CABIN1: variants seen among roughly 807,000 people sequenced by gnomAD.
The protein encoded by CABIN1 is calcineurin binding protein 1.
A neutral mutation model predicts 227.7 loss-of-function variants in CABIN1; 133 were observed. The observed-to-expected ratio is 0.58, with a 90% confidence interval of 0.51 to 0.67. The LOEUF (loss-of-function observed/expected upper bound fraction) is 0.67, where lower values mean the gene tolerates loss of function less well. Among genes scored for constraint, CABIN1 ranks in the 30% least tolerant of loss-of-function variants. The probability of loss-of-function intolerance (pLI) is 0.00; values close to 1 mark genes in which losing one functional copy is unlikely to be tolerated. For synonymous variants in CABIN1, 1,086 were observed against 1,155.1 expected (o/e 0.94, Z 1.21); for missense variants, 2,408 against 2,852.5 (o/e 0.84, Z 3.55).
At chr22:24,025,737 C>T (rs1167256203) in intron 1 of CABIN1, among the ~76,000 whole-genome samples, 1 of 152,230 alleles carries the variant, frequency 6.6e-6, no homozygotes, top group Non-Finnish European at 1.5e-5. Context: ...TGCAGTGGTG[C>T]AATCTCAGCT....
In CABIN1 at chr22:24,178,532, A is replaced by G. The variant is rs534901746; in HGVS notation, c.*336A>G. The stretch of plus-strand genomic sequence containing the variant: ...ATATCCACCCCTCGACGCCGGGATG[A>G]GCCGGCTCTGCCTGTGTCACAGTGG... On this transcript the variant is annotated 3_prime_UTR_variant, in exon 37 of 37. Transcript: ENST00000263119. The G allele has an allele frequency of 2.9e-5, 11 of 373,792 alleles. No homozygotes were observed. Among genetic ancestry groups the G allele is most frequent in the African/African-American group, 2.3e-4 (11 of 48,174 alleles). 23.2% of individuals were successfully genotyped at this position (373,792 alleles called of 1,614,324 possible). A position where few individuals can be genotyped will look rare whatever the true frequency, so the allele number is the denominator to read the frequency against.
At position 24,031,836 on chromosome 22, in the gene CABIN1, T is replaced by C. The variant is rs140032884; in HGVS notation, c.-74-3608T>C. 9.6e-3 allele frequency among the ~76,000 whole-genome samples: 1,467 copies of C among 152,294 alleles called. 30 individuals are homozygous for C. The highest frequency in any genetic ancestry group is 0.033 in the African/African-American group (1,378 of 41,558). Reference sequence around the variant, plus strand: ...GTGGCTTGAGCTGCAGGTCTGGCCATGGGCTGTCGGCCTGCCTTGAGGATG... The same window carrying C: ...GTGGCTTGAGCTGCAGGTCTGGCCACGGGCTGTCGGCCTGCCTTGAGGATG... On this transcript the variant is annotated intron_variant, in intron 1 of 36. Transcript: ENST00000263119.
intron 18 of CABIN1, 46 bp downstream of exon 18, chr22:24,072,556 T>G: frequency 6.2e-7 from 1 of 1,611,164 alleles, no homozygotes; most frequent in Non-Finnish European, 8.5e-7. Context: ...GACTCCCATG[T>G]CCTTGCCCCT....
chr22:24,097,146 CAAT>C (rs1279366193), intron 25 of CABIN1, among the ~76,000 whole-genome samples: 2 of 152,196 alleles, frequency 1.3e-5, no homozygotes, highest in Non-Finnish European at 2.9e-5. Flanking sequence ...CCCCAACATA[CAAT>C]GATACTTTCT....
intron 8 of CABIN1, among the ~76,000 whole-genome samples, chr22:24,054,583 T>A: frequency 6.6e-6 from 1 of 152,144 alleles, no homozygotes; most frequent in East Asian, 1.9e-4. Flanking sequence ...CCTACTTGAG[T>A]CTGAAAGTGC....
intron 9 of CABIN1, among the ~76,000 whole-genome samples, chr22:24,055,497 T>C (rs959806176): frequency 6.6e-6 from 1 of 152,250 alleles, no homozygotes; most frequent in African/African-American, 2.4e-5. Context: ...ATGTGGAAGC[T>C]GGCAGAGGTC....
chr22:24,136,928 G>A (rs1394250044), intron 29 of CABIN1, among the ~76,000 whole-genome samples: 1 of 152,132 alleles, frequency 6.6e-6, no homozygotes, highest in African/African-American at 2.4e-5. Context: ...AATGAAGTGA[G>A]CCCTTTGTCA....
chr22:24,053,210 T>C (rs559601762), intron 8 of CABIN1, among the ~76,000 whole-genome samples: 1 of 151,620 alleles, frequency 6.6e-6, no homozygotes, highest in South Asian at 2.1e-4. Context: ...CCCAAGTAGC[T>C]GAGACTACAG....
intron 12 of CABIN1, 139 bp downstream of exon 12, chr22:24,060,280 G>A (rs969009491): frequency 1.7e-5 from 14 of 805,032 alleles, no homozygotes; most frequent in African/African-American, 5.1e-5. Flanking sequence ...TGTGGGTGTC[G>A]AAGCAGGAAG....
At chr22:24,041,689 TAC>T (rs2037388380) in intron 5 of CABIN1, among the ~76,000 whole-genome samples, 1 of 152,232 alleles carries the variant, frequency 6.6e-6, no homozygotes, top group Non-Finnish European at 1.5e-5. Flanking sequence ...TATTAATACT[TAC>T]AGTCATAATA....
intron 25 of CABIN1, among the ~76,000 whole-genome samples, chr22:24,097,375 T>A (rs1232039911): frequency 6.6e-6 from 1 of 152,232 alleles, no homozygotes; most frequent in African/African-American, 2.4e-5. Context: ...AAGGTTTCAT[T>A]TATTTTATAA....
rs1569112630 is a variant in CABIN1, at chr22:24,042,878, T to TGTGTGTGTGTGTGTGTGTGTG, written c.346-26_346-25insGTGTGTGTGTGTGTGTGTGTG. ...TGTGTGTGTGTGTGTGTGTGTGTGTTTGCCCTCTGCTTGTGTCGCTTCCAG... is the reference window on the plus strand; with the variant it reads ...TGTGTGTGTGTGTGTGTGTGTGTGTTGTGTGTGTGTGTGTGTGTGTGTGCCCTCTGCTTGTGTCGCTTCCAG... On this transcript the variant is annotated intron_variant, in intron 5 of 36. Transcript: ENST00000263119. The TGTGTGTGTGTGTGTGTGTGTG allele has an allele frequency of 1.1e-5, 10 of 952,270 alleles. No individual in the cohort carries two copies. The African/African-American group carries it at 1.2e-4, about 12-fold the overall frequency. 59.0% of individuals were successfully genotyped at this position (952,270 alleles called of 1,614,324 possible). A position where few individuals can be genotyped will look rare whatever the true frequency, so the allele number is the denominator to read the frequency against.
chr22:24,078,632 A>G (rs1456208313), intron 19 of CABIN1, among the ~76,000 whole-genome samples: 1 of 152,158 alleles, frequency 6.6e-6, no homozygotes, highest in Non-Finnish European at 1.5e-5. Context: ...TTATCTGTTC[A>G]TCTCCACACA....
At chr22:24,117,030 G>A (rs1236215964) in intron 27 of CABIN1, among the ~76,000 whole-genome samples, 2 of 152,200 alleles carry the variant, frequency 1.3e-5, no homozygotes, top group Non-Finnish European at 2.9e-5. Context: ...GCCGGGAAAC[G>A]TGGTGTAGTC....
chr22:24,096,929 G>C (rs2041928795), intron 25 of CABIN1, among the ~76,000 whole-genome samples: 1 of 152,238 alleles, frequency 6.6e-6, no homozygotes, highest in South Asian at 2.1e-4. Context: ...GAGTGCCAGA[G>C]AGGCCTGCAC....
intron 29 of CABIN1, among the ~76,000 whole-genome samples, chr22:24,146,072 G>C (rs568115718): frequency 1.3e-5 from 2 of 152,164 alleles, no homozygotes; most frequent in Non-Finnish European, 2.9e-5. Context: ...GCAGCCCTTA[G>C]GACTGTCAGG....
At chr22:24,060,482 G>A (rs2039109993) in intron 12 of CABIN1, among the ~76,000 whole-genome samples, 1 of 152,104 alleles carries the variant, frequency 6.6e-6, no homozygotes, top group African/African-American at 2.4e-5. Flanking sequence ...GACATGGGAT[G>A]TGTGAGGGAA....
At chr22:24,063,436 A>G (rs2039348189) in intron 14 of CABIN1, among the ~76,000 whole-genome samples, 1 of 152,186 alleles carries the variant, frequency 6.6e-6, no homozygotes. Flanking sequence ...CCCCCACTCA[A>G]GATTGCCTTG....
At chr22:24,159,716 G>A (rs1001134051) in intron 29 of CABIN1, among the ~76,000 whole-genome samples, 1 of 152,190 alleles carries the variant, frequency 6.6e-6, no homozygotes. Flanking sequence ...GGGTGTGGCA[G>A]CAGGGGACAG....
Sources: allele counts gnomAD v4.1 joint callset (sites outside exome capture counted in the v4.1 genomes callset), GRCh38; gene constraint gnomAD v4.1.1; transcripts MANE v1.5; gene names NCBI Gene and HGNC (gene_info 2026-07-23, HGNC 2026-07-21).